The following GNAQ variants were observed in gnomAD, a reference collection of about 807,000 sequenced individuals.
The protein encoded by GNAQ is G protein subunit alpha q.
In GNAQ, 8 loss-of-function variants were observed where a neutral mutation model predicts 43.9. The ratio of observed to expected loss-of-function variants is 0.18; its 90% CI spans 0.11 to 0.33. GNAQ has a LOEUF of 0.33. Among genes scored for constraint, GNAQ ranks in the 10% least tolerant of loss-of-function variants. GNAQ has a pLI of 1.00. For missense variants in GNAQ, 158 were observed against 450.8 expected (o/e 0.35, Z 5.88); for synonymous variants, 155 against 170.7 (o/e 0.91, Z 0.71).
intron 1 of GNAQ, among the ~76,000 whole-genome samples, chr9:77,966,405 C>T (rs1220169054): frequency 2.6e-5 from 4 of 152,138 alleles, no homozygotes; most frequent in Admixed American, 1.3e-4. Flanking sequence ...TTACTAGGAT[C>T]GTATTACCTA....
intron 2 of GNAQ, among the ~76,000 whole-genome samples, chr9:77,827,758 TTG>T (rs1827221908): frequency 6.6e-6 from 1 of 152,014 alleles, no homozygotes; most frequent in Admixed American, 6.5e-5. Context: ...CCTTTACTTG[TTG>T]GTAGAAATAT....
intron 5 of GNAQ, among the ~76,000 whole-genome samples, chr9:77,743,289 A>AC (rs1422960274): frequency 1.3e-5 from 2 of 152,020 alleles, no homozygotes; most frequent in Non-Finnish European, 2.9e-5. Flanking sequence ...AAACAAACAA[A>AC]AAAAACAAAC....
chr9:78,027,899 T>C (rs931580416), intron 1 of GNAQ, among the ~76,000 whole-genome samples: 7 of 152,064 alleles, frequency 4.6e-5, no homozygotes, highest in African/African-American at 1.7e-4. Context: ...AAGAACAGGT[T>C]AACAGGAAAA....
intron 2 of GNAQ, among the ~76,000 whole-genome samples, chr9:77,918,708 C>A (rs900697554): frequency 2.0e-5 from 3 of 152,108 alleles, no homozygotes; most frequent in African/African-American, 7.2e-5. Flanking sequence ...TATAGCCATT[C>A]CTTCTCCCCA....
intron 3 of GNAQ, among the ~76,000 whole-genome samples, chr9:77,809,788 G>C (rs998130416): frequency 1.3e-5 from 2 of 152,132 alleles, no homozygotes; most frequent in Admixed American, 6.5e-5. Flanking sequence ...AAAGTAGAAG[G>C]GAAGCTCAAA....
At chr9:77,821,728 T>G (rs796448671) in intron 2 of GNAQ, among the ~76,000 whole-genome samples, 38 of 143,016 alleles carry the variant, frequency 2.7e-4, no homozygotes, top group Middle Eastern at 3.5e-3. Flanking sequence ...AGTATGGGTG[T>G]GTGTGTGTGT....
intron 1 of GNAQ, among the ~76,000 whole-genome samples, chr9:78,028,032 C>A (rs1014602391): frequency 6.6e-6 from 1 of 151,978 alleles, no homozygotes; most frequent in Non-Finnish European, 1.5e-5. Context: ...ATCTATGTAC[C>A]ACCAACAGAA....
intron 5 of GNAQ, among the ~76,000 whole-genome samples, chr9:77,783,045 T>C (rs1290611113): frequency 6.6e-6 from 1 of 152,222 alleles, no homozygotes; most frequent in Non-Finnish European, 1.5e-5. Flanking sequence ...TGAAACCATT[T>C]TGTACAACAC....
chr9:77,849,338 G>T (rs1310046830), intron 2 of GNAQ, among the ~76,000 whole-genome samples: 1 of 152,042 alleles, frequency 6.6e-6, no homozygotes, highest in Non-Finnish European at 1.5e-5. Flanking sequence ...TTTTACCAGA[G>T]ATTTTATAGA....
intron 1 of GNAQ, among the ~76,000 whole-genome samples, chr9:78,003,712 A>C (rs942231954): frequency 2.6e-5 from 4 of 151,730 alleles, no homozygotes; most frequent in African/African-American, 9.7e-5. Context: ...GCTACTGGGG[A>C]GGCTGAGGCA....
chr9:77,826,771 T>C (rs764766982), intron 2 of GNAQ, among the ~76,000 whole-genome samples: 1 of 152,178 alleles, frequency 6.6e-6, no homozygotes, highest in African/African-American at 2.4e-5. Context: ...TAATAATATA[T>C]ACAAAACAGT....
chr9:77,961,564 A>G (rs1025388582), intron 1 of GNAQ, among the ~76,000 whole-genome samples: 5 of 152,198 alleles, frequency 3.3e-5, no homozygotes, highest in Non-Finnish European at 7.4e-5. Context: ...ACACAGGTTC[A>G]CTGCACCACA....
chr9:77,835,583 T>C (rs1388890534), intron 2 of GNAQ, among the ~76,000 whole-genome samples: 1 of 152,170 alleles, frequency 6.6e-6, no homozygotes, highest in African/African-American at 2.4e-5. Context: ...ATAGCTATCT[T>C]TGATTGAGCA....
intron 2 of GNAQ, among the ~76,000 whole-genome samples, chr9:77,873,510 A>C (rs1224703097): frequency 6.6e-6 from 1 of 152,212 alleles, no homozygotes; most frequent in Non-Finnish European, 1.5e-5. Context: ...GTATTTAGGC[A>C]TTTGTGGCAG....
intron 2 of GNAQ, among the ~76,000 whole-genome samples, chr9:77,859,440 G>C (rs1211960990): frequency 6.6e-6 from 1 of 152,098 alleles, no homozygotes; most frequent in African/African-American, 2.4e-5. Context: ...TATCTGTTTG[G>C]ATACACTATG....
At chr9:77,953,583 C>T (rs1034071289) in intron 1 of GNAQ, among the ~76,000 whole-genome samples, 1 of 152,126 alleles carries the variant, frequency 6.6e-6, no homozygotes, top group Non-Finnish European at 1.5e-5. Flanking sequence ...AAGGGCCCGG[C>T]GAAGGTCTCC....
chr9:77,748,475 T>C (rs1825763829), intron 5 of GNAQ, among the ~76,000 whole-genome samples: 1 of 152,236 alleles, frequency 6.6e-6, no homozygotes, highest in Non-Finnish European at 1.5e-5. Flanking sequence ...TTTGTAGAGC[T>C]TGATGCCTTC....
intron 5 of GNAQ, among the ~76,000 whole-genome samples, chr9:77,790,814 T>C (rs1206323082): frequency 6.6e-6 from 1 of 152,222 alleles, no homozygotes; most frequent in Non-Finnish European, 1.5e-5. Context: ...CATCTCTTCA[T>C]TCCTGTAACC....
chr9:78,031,391 G>A lies in GNAQ; in HGVS notation c.-156C>T, dbSNP rs1236084015. The A allele has an allele frequency of 5.6e-6, 2 of 356,708 alleles. No individual in the cohort carries two copies. Among genetic ancestry groups the A allele is most frequent in the Non-Finnish European group, 4.6e-6 (1 of 219,326 alleles). 22.1% of individuals were successfully genotyped at this position (356,708 alleles called of 1,614,324 possible). A position where few individuals can be genotyped will look rare whatever the true frequency, so the allele number is the denominator to read the frequency against. Reference sequence around the variant, plus strand: ...ACGAGCTCCGGGAACCGCCGCGGGGGCGGCGGCCAGGGCCGGGGCCACCAG... The same window carrying A: ...ACGAGCTCCGGGAACCGCCGCGGGGACGGCGGCCAGGGCCGGGGCCACCAG... On this transcript the variant is annotated 5_prime_UTR_variant, in exon 1 of 7. Transcript: ENST00000286548.
Sources: allele counts gnomAD v4.1 joint callset (sites outside exome capture counted in the v4.1 genomes callset), GRCh38; gene constraint gnomAD v4.1.1; transcripts MANE v1.5; gene names NCBI Gene and HGNC (gene_info 2026-07-23, HGNC 2026-07-21).